The following ZFHX3 variants were observed in gnomAD, a reference collection of about 807,000 sequenced individuals.
The protein encoded by ZFHX3 is zinc finger homeobox protein 3.
In ZFHX3, 42 loss-of-function variants were observed where a neutral mutation model predicts 279.1. The observed-to-expected ratio is 0.15, with a 90% CI of 0.12 to 0.19. The LOEUF is 0.19. Among genes scored for constraint, ZFHX3 ranks in the 10% least tolerant of loss-of-function variants. The pLI is 1.00. For synonymous variants in ZFHX3, 2,293 were observed against 1,957.8 expected, an observed-to-expected ratio of 1.17 and a Z score of -4.52; for missense variants, 4,981 against 4,754.0, an observed-to-expected ratio of 1.05 and a Z score of -1.40.
intron 7 of ZFHX3, among the ~76,000 whole-genome samples, chr16:72,809,073 T>C (rs1291395596): frequency 2.0e-5 from 3 of 152,218 alleles, no homozygotes. Flanking sequence ...AGATTCACAA[T>C]GACCACCACA....
chr16:73,583,711 T>C (rs1317538054), intron 2 of ZFHX3, among the ~76,000 whole-genome samples: 2 of 152,230 alleles, frequency 1.3e-5, no homozygotes, highest in Non-Finnish European at 2.9e-5. Flanking sequence ...ATTCAATTCA[T>C]GTAACAAATG....
intron 1 of ZFHX3, among the ~76,000 whole-genome samples, chr16:73,807,973 C>T (rs1424093140): frequency 2.0e-5 from 3 of 152,078 alleles, no homozygotes; most frequent in Admixed American, 6.6e-5. Flanking sequence ...GTATCACTTG[C>T]TTCAAATCGC....
In ZFHX3 at chr16:73,314,710, T is replaced by C. The variant is rs541733975; in HGVS notation, c.-1194+3530A>G. 1.8e-4 allele frequency among the ~76,000 whole-genome samples: 28 copies of C among 152,324 alleles called. No individual in the cohort carries two copies. The East Asian group carries it at 5.4e-3, about 29-fold the overall frequency. On this transcript the variant is annotated intron_variant, in intron 4 of 17. Coordinates refer to the ZFHX3 transcript ENST00000641206. ...GCTGCTCCTCCTACCAAATGGCCAC[T>C]TACTCATTCTTCCAGATAGCCCTTG...
chr16:73,872,163 A>G (rs1447613211), intron 1 of ZFHX3, among the ~76,000 whole-genome samples: 1 of 152,196 alleles, frequency 6.6e-6, no homozygotes, highest in Non-Finnish European at 1.5e-5. Context: ...AGCCATGACC[A>G]ACACTTATTC....
chr16:72,830,787 T>C (rs1291656023), intron 4 of ZFHX3, among the ~76,000 whole-genome samples: 1 of 152,172 alleles, frequency 6.6e-6, no homozygotes, highest in East Asian at 1.9e-4. Context: ...AAAACATGCA[T>C]TCAGTAAGAG....
chr16:73,476,575 T>A (rs778282258), intron 2 of ZFHX3, among the ~76,000 whole-genome samples: 16 of 152,212 alleles, frequency 1.1e-4, no homozygotes, highest in African/African-American at 3.9e-4. Context: ...TTTAAACCAC[T>A]ACAATTTTTA....
chr16:73,863,533 A>G (rs1961935694), intron 1 of ZFHX3, among the ~76,000 whole-genome samples: 1 of 152,212 alleles, frequency 6.6e-6, no homozygotes, highest in African/African-American at 2.4e-5. Context: ...CAGTCTCAGA[A>G]AAAAATCCGA....
intron 8 of ZFHX3, among the ~76,000 whole-genome samples, chr16:73,075,010 G>A (rs978364839): frequency 2.0e-5 from 3 of 152,036 alleles, no homozygotes; most frequent in African/African-American, 7.2e-5. Context: ...GTTTTGCCAT[G>A]TTTCCCAGGC....
intron 7 of ZFHX3, among the ~76,000 whole-genome samples, chr16:73,094,027 A>G (rs1371228724): frequency 6.6e-6 from 1 of 152,148 alleles, no homozygotes; most frequent in Non-Finnish European, 1.5e-5. Flanking sequence ...CAAAGGCAGG[A>G]TGGGGTGAGG....
chr16:72,826,798 G>C (rs2036943663), intron 5 of ZFHX3, among the ~76,000 whole-genome samples: 1 of 152,124 alleles, frequency 6.6e-6, no homozygotes, highest in African/African-American at 2.4e-5. Context: ...AGATTAAGTA[G>C]GCCTGGTGCT....
intron 2 of ZFHX3, among the ~76,000 whole-genome samples, chr16:73,606,363 G>A (rs2052182795): frequency 6.6e-6 from 1 of 151,808 alleles, no homozygotes; most frequent in African/African-American, 2.4e-5. Flanking sequence ...GTGCGCACCT[G>A]TAATCCCAGC....
chr16:73,295,294 T>C (rs973375050), intron 4 of ZFHX3, among the ~76,000 whole-genome samples: 1 of 152,194 alleles, frequency 6.6e-6, no homozygotes, highest in Admixed American at 6.5e-5. Context: ...ACTGAGCCAG[T>C]TGGGGGACGA....
chr16:73,387,264 T>A (rs894781820), intron 3 of ZFHX3: 60 of 152,218 alleles, frequency 3.9e-4, no homozygotes, highest in African/African-American at 1.4e-3. Context: ...GGTGAGCAGA[T>A]CCTTCTCATC....
At chr16:73,730,504 T>C (rs1457342425) in intron 1 of ZFHX3, among the ~76,000 whole-genome samples, 1 of 152,066 alleles carries the variant, frequency 6.6e-6, no homozygotes, top group Non-Finnish European at 1.5e-5. Context: ...GACCATTCCT[T>C]TGAAGAGGTT....
intron 2 of ZFHX3, among the ~76,000 whole-genome samples, chr16:73,592,741 G>GT (rs11333254): frequency 6.6e-6 from 1 of 151,554 alleles, no homozygotes. Flanking sequence ...TAATAAAAAG[G>GT]TTTTTTTAAA....
At chr16:73,845,593 C>G (rs988713306) in intron 1 of ZFHX3, among the ~76,000 whole-genome samples, 5 of 151,938 alleles carry the variant, frequency 3.3e-5, no homozygotes, top group African/African-American at 1.2e-4. Flanking sequence ...AGCCCTCAAT[C>G]AATTCCGAGT....
In ZFHX3 at chr16:72,958,647, T is replaced by A; in HGVS notation, c.1499A>T (p.Asp500Val). 1.2e-6 allele frequency: 2 copies of A among 1,613,996 alleles called. No homozygotes were observed. Among genetic ancestry groups the A allele is most frequent in the Middle Eastern group, 3.3e-4 (2 of 5,996 alleles). Residue 500 changes from aspartate to valine, a missense_variant, in exon 2 of 10, where the codon GAT (aspartate) becomes GTT (valine). By Grantham distance (152) the Asp-to-Val change is radical (BLOSUM62 -3). Coordinates refer to ENST00000268489, the MANE Select transcript of ZFHX3 (RefSeq NM_006885.4). ...ATGGGGCCTGTCCTCCAGTTCCTCA[T>A]CCAACTCGCTTGGAAAGAGTCCTTT... ...GCKGLFPSEL[D>V]EELEDRPHEE...
intron 5 of ZFHX3, among the ~76,000 whole-genome samples, chr16:73,244,618 C>T (rs1285670265): frequency 6.6e-6 from 1 of 152,214 alleles, no homozygotes; most frequent in Non-Finnish European, 1.5e-5. Flanking sequence ...GAAGCAGACA[C>T]CTGTGCTCAT....
chr16:73,755,920 C>T (rs533480243), intron 1 of ZFHX3, among the ~76,000 whole-genome samples: 6 of 152,360 alleles, frequency 3.9e-5, no homozygotes, highest in South Asian at 2.1e-4. Context: ...CCCTCTCCCA[C>T]GGCCGGGTGA....
Sources: allele counts gnomAD v4.1 joint callset (sites outside exome capture counted in the v4.1 genomes callset), GRCh38; gene constraint gnomAD v4.1.1; transcripts MANE v1.5; gene names NCBI Gene and HGNC (gene_info 2026-07-23, HGNC 2026-07-21).